Variants in PLCL1 observed in about 807,000 individuals in gnomAD.
The protein encoded by PLCL1 is phospholipase C like 1 (inactive).
In PLCL1, 41 loss-of-function variants were observed where a neutral mutation model predicts 84.4. The ratio of observed to expected loss-of-function variants is 0.49; its 90% CI spans 0.38 to 0.63. The LOEUF (loss-of-function observed/expected upper bound fraction) is 0.63, where lower values mean the gene tolerates loss of function less well. Among genes scored for constraint, PLCL1 ranks in the 30% least tolerant of loss-of-function variants. The probability of loss-of-function intolerance (pLI) is 0.00; values close to 1 mark genes in which losing one functional copy is unlikely to be tolerated. For missense variants in PLCL1, 1,206 were observed against 1,367.8 expected (o/e 0.88, Z 1.87); for synonymous variants, 490 against 488.3 (o/e 1.00, Z -0.05).
At chr2:197,837,700 C>A (rs700677) in intron 1 of PLCL1, among the ~76,000 whole-genome samples, 41,826 of 152,014 alleles carry the variant, frequency 0.28, 6,832 homozygotes, top group Middle Eastern at 0.44. Flanking sequence ...TTTCAGTGCA[C>A]AAAGTTAGTG....
At chr2:197,838,158 G>A (rs1483761610) in intron 1 of PLCL1, among the ~76,000 whole-genome samples, 1 of 152,182 alleles carries the variant, frequency 6.6e-6, no homozygotes, top group African/African-American at 2.4e-5. Context: ...TCGCCTGGGA[G>A]CTCAGTTTGT....
At chr2:198,102,565 C>T (rs12693831) in intron 4 of PLCL1, among the ~76,000 whole-genome samples, 90,766 of 151,888 alleles carry the variant, frequency 0.6, 27,781 homozygotes, top group East Asian at 0.81. Flanking sequence ...TTGAGTACAG[C>T]GTTCACTCCT....
In PLCL1 at chr2:198,148,257, A is replaced by G. The variant is rs1240244753; in HGVS notation, c.*1295A>G. 2.0e-5 allele frequency: 3 copies of G among 152,360 alleles called. No individual in the cohort carries two copies. The highest frequency in any genetic ancestry group is 4.8e-5 in the African/African-American group (2 of 41,460). The allele number at this position is 152,360 out of a possible 1,614,324, so 9.4% of individuals were successfully genotyped here. A position where few individuals can be genotyped will look rare whatever the true frequency, so the allele number is the denominator to read the frequency against. On this transcript the variant is annotated 3_prime_UTR_variant, in exon 6 of 6. Coordinates refer to ENST00000428675, the MANE Select transcript of PLCL1 (RefSeq NM_006226.4). The stretch of plus-strand genomic sequence containing the variant: ...AGCTTCTTAATTAATTTGATTAACA[A>G]ATATGCTAATTTGGGGAAACCTAGA...
At chr2:198,045,479 T>C (rs1189782834) in intron 1 of PLCL1, among the ~76,000 whole-genome samples, 1 of 152,238 alleles carries the variant, frequency 6.6e-6, no homozygotes, top group Non-Finnish European at 1.5e-5. Flanking sequence ...TTTTATTACA[T>C]AGGGCATTTT....
At chr2:197,825,002 C>T (rs1690899640) in intron 1 of PLCL1, among the ~76,000 whole-genome samples, 1 of 151,594 alleles carries the variant, frequency 6.6e-6, no homozygotes. Flanking sequence ...GCAATATTGC[C>T]TTTTTTTTCT....
chr2:197,939,789 T>A (rs1194980084), intron 1 of PLCL1, among the ~76,000 whole-genome samples: 3 of 148,916 alleles, frequency 2.0e-5, no homozygotes, highest in Non-Finnish European at 3.0e-5. Flanking sequence ...AAAGCATCAG[T>A]GTTTTTAATC....
chr2:198,088,982 T>G lies in PLCL1; in HGVS notation c.2840T>G (p.Met947Arg). The change falls in exon 3 of 6, where the codon ATG becomes AGG. Residue 947 changes from methionine (M) to arginine (R), a missense_variant. Coordinates refer to ENST00000428675, the MANE Select transcript of PLCL1 (RefSeq NM_006226.4). Reference sequence around the variant, plus strand: ...AATACTCCTTCAGTCTCACTTGTGATGAAAGACAGCTTTCCTTACCTGGAG... The same window carrying G: ...AATACTCCTTCAGTCTCACTTGTGAGGAAAGACAGCTTTCCTTACCTGGAG... ...SDNTPSVSLV[M>R]KDSFPYLEPL... 6.2e-7 allele frequency: 1 copy of G among 1,613,922 alleles called. No individual in the cohort carries two copies. The highest frequency in any genetic ancestry group is 8.5e-7 in the Non-Finnish European group (1 of 1,179,768).
At chr2:198,103,563 ACT>A (rs948644254) in intron 4 of PLCL1, among the ~76,000 whole-genome samples, 3 of 151,976 alleles carry the variant, frequency 2.0e-5, no homozygotes, top group African/African-American at 7.2e-5. Context: ...CATAGAATTT[ACT>A]TTTTTCCTTC....
At chr2:198,012,713 G>A (rs1168024872) in intron 1 of PLCL1, among the ~76,000 whole-genome samples, 2 of 150,426 alleles carry the variant, frequency 1.3e-5, no homozygotes, top group African/African-American at 2.4e-5. Flanking sequence ...GTGTGTAGCT[G>A]TGTGTATATG....
chr2:198,077,672 T>A (rs537015038), intron 1 of PLCL1, among the ~76,000 whole-genome samples: 1 of 152,196 alleles, frequency 6.6e-6, no homozygotes, highest in East Asian at 1.9e-4. Flanking sequence ...ACACTGAAAC[T>A]GCAGCCCAGA....
intron 4 of PLCL1, among the ~76,000 whole-genome samples, chr2:198,102,768 T>C (rs1693377551): frequency 6.6e-6 from 1 of 152,142 alleles, no homozygotes; most frequent in Admixed American, 6.6e-5. Context: ...GAAAAGAGTT[T>C]AGACCTTTTT....
At chr2:197,873,383 C>T (rs1451874213) in intron 1 of PLCL1, among the ~76,000 whole-genome samples, 1 of 151,876 alleles carries the variant, frequency 6.6e-6, no homozygotes, top group Non-Finnish European at 1.5e-5. Flanking sequence ...ATAGCATGGA[C>T]CCTGCAGAGA....
intron 1 of PLCL1, among the ~76,000 whole-genome samples, chr2:197,947,270 AT>A (rs1258446863): frequency 1.3e-5 from 2 of 148,538 alleles, no homozygotes; most frequent in Admixed American, 1.3e-4. Flanking sequence ...GTATATACAC[AT>A]TATGTATGAG....
chr2:198,143,074 A>C (rs775857897), intron 5 of PLCL1, among the ~76,000 whole-genome samples: 29 of 152,150 alleles, frequency 1.9e-4, no homozygotes, highest in Non-Finnish European at 3.5e-4. Flanking sequence ...AATAAGATTA[A>C]AACACTTTCT....
In PLCL1 at chr2:197,939,162, C is replaced by T. The variant is rs527725711; in HGVS notation, c.240+133823C>T. On this transcript the variant is annotated intron_variant, in intron 1 of 5. Coordinates refer to ENST00000428675, the MANE Select transcript of PLCL1 (RefSeq NM_006226.4). ...AATTTTCTATTTATTTTCTTGATTA[C>T]ATCCATTTAATAGTTTTAGTAGAGA... is the stretch of plus-strand genomic sequence containing the variant. 7.2e-5 allele frequency among the ~76,000 whole-genome samples: 11 copies of T among 152,174 alleles called. No homozygotes were observed. The South Asian group carries it at 2.1e-3, about 29-fold the overall frequency.
rs558782692 is a variant in PLCL1, at chr2:198,084,191, G to A, written c.674G>A (p.Ser225Asn). ...GGGTTACGGTACCTGGTTTCTCGAA[G>A]TAAGCAGCCTCTTGATTTTATGGAG... The part of the protein sequence containing the change: ...VSGLRYLVSR[S>N]KQPLDFMEGN... The change falls in exon 2 of 6, where the codon AGT becomes AAT. Residue 225 changes from serine to asparagine, a missense_variant. Physicochemically the swap from Ser to Asn is conservative, Grantham distance 46. Transcript: ENST00000428675. 311 of 1,614,130 alleles carry A rather than the reference G, an allele frequency of 1.9e-4. 2 individuals are homozygous for A. The South Asian group carries it at 3.0e-3, about 16-fold the overall frequency.
chr2:197,838,364 A>G (rs1691232015), intron 1 of PLCL1, among the ~76,000 whole-genome samples: 2 of 152,238 alleles, frequency 1.3e-5, no homozygotes, highest in African/African-American at 4.8e-5. Context: ...ATGAATCATA[A>G]GAGTTCTAAA....
At chr2:197,817,375 C>T (rs904268691) in intron 1 of PLCL1, among the ~76,000 whole-genome samples, 6 of 150,966 alleles carry the variant, frequency 4.0e-5, no homozygotes, top group African/African-American at 9.7e-5. Flanking sequence ...TGCGTGTGCA[C>T]GTGTGTGTGT....
chr2:197,933,987 T>C (rs1273150686), intron 1 of PLCL1, among the ~76,000 whole-genome samples: 1 of 152,146 alleles, frequency 6.6e-6, no homozygotes, highest in East Asian at 1.9e-4. Context: ...TACTGTGAAT[T>C]GCTCCCGGAA....
Sources: allele counts gnomAD v4.1 joint callset (sites outside exome capture counted in the v4.1 genomes callset), GRCh38; gene constraint gnomAD v4.1.1; transcripts MANE v1.5; gene names NCBI Gene and HGNC (gene_info 2026-07-23, HGNC 2026-07-21).